Variants in VCF1 observed in about 807,000 individuals in gnomAD.
VCF1 encodes protein VCF1.
chr17:73,227,245 T>G, the VCF1 span: 1 of 1,574,354 alleles, frequency 6.4e-7, no homozygotes, highest in Non-Finnish European at 8.6e-7. Context: ...TCTTCTTCGT[T>G]GCCATTCCTT....
chr17:73,225,908 T>A, the VCF1 span, among the ~76,000 whole-genome samples: 13,956 of 135,612 alleles, frequency 0.1, 958 homozygotes, highest in Non-Finnish European at 0.16. Flanking sequence ...TATTTTTTTT[T>A]TTTTTTTTTC....
the VCF1 span, among the ~76,000 whole-genome samples, chr17:73,216,026 CAA>C: frequency 6.6e-6 from 1 of 152,100 alleles, no homozygotes; most frequent in Non-Finnish European, 1.5e-5. Context: ...GCTAGATTAT[CAA>C]GAGCCATGAG....
chr17:73,227,586 A>G, the VCF1 span: 1 of 987,236 alleles, frequency 1.0e-6, no homozygotes, highest in Non-Finnish European at 1.2e-6. Context: ...CTCTAACCTA[A>G]TTAAGGTTTT....
chr17:73,232,111 C>T, the VCF1 span: 2 of 1,609,454 alleles, frequency 1.2e-6, no homozygotes, highest in Admixed American at 1.7e-5. Flanking sequence ...TCGCTCATGG[C>T]AGCTGGCGGA....
chr17:73,224,377 A>G, the VCF1 span, among the ~76,000 whole-genome samples: 2 of 151,522 alleles, frequency 1.3e-5, no homozygotes, highest in Admixed American at 6.6e-5. Context: ...CCTGGGAGGT[A>G]GAGGTTGCAG....
At chr17:73,221,902 C>T in the VCF1 span, among the ~76,000 whole-genome samples, 1 of 151,902 alleles carries the variant, frequency 6.6e-6, no homozygotes, top group Non-Finnish European at 1.5e-5. Flanking sequence ...GGCGTGGTGG[C>T]GGTCCCCTGT....
At chr17:73,211,495 G>A in the VCF1 span, among the ~76,000 whole-genome samples, 2 of 151,690 alleles carry the variant, frequency 1.3e-5, no homozygotes, top group African/African-American at 4.8e-5. Context: ...TTGAACCTGG[G>A]GGGTGGAGGT....
the VCF1 span, chr17:73,208,187 A>G: frequency 1.3e-6 from 2 of 1,567,416 alleles, no homozygotes; most frequent in Non-Finnish European, 1.7e-6. Context: ...TCCTCTGACT[A>G]GAGCCATCGT....
the VCF1 span, among the ~76,000 whole-genome samples, chr17:73,210,495 T>A: frequency 0.071 from 9,947 of 140,436 alleles, 408 homozygotes; most frequent in Non-Finnish European, 0.089. Context: ...GTTCATGTTT[T>A]AAAAAAAAAA....
chr17:73,224,272 A>C, the VCF1 span, among the ~76,000 whole-genome samples: 1 of 151,080 alleles, frequency 6.6e-6, no homozygotes, highest in African/African-American at 2.4e-5. Context: ...CCAAAAAAAA[A>C]AAAAAAAAAA....
At chr17:73,214,874 C>T in the VCF1 span, among the ~76,000 whole-genome samples, 5 of 152,336 alleles carry the variant, frequency 3.3e-5, no homozygotes, top group African/African-American at 7.2e-5. Context: ...AGGAATCCCA[C>T]TCTTATGATC....
chr17:73,223,026 T>C, the VCF1 span, among the ~76,000 whole-genome samples: 2 of 151,288 alleles, frequency 1.3e-5, no homozygotes, highest in African/African-American at 2.4e-5. Context: ...TAATAATACC[T>C]ACTAAAACAG....
chr17:73,232,232 C>T, the VCF1 span: 2 of 1,611,688 alleles, frequency 1.2e-6, no homozygotes, highest in Non-Finnish European at 1.7e-6. Context: ...CTCGGGTGGA[C>T]GCAGCCGGTG....
the VCF1 span, chr17:73,209,402 C>G: frequency 2.4e-6 from 3 of 1,232,812 alleles, no homozygotes; most frequent in South Asian, 4.6e-5. Context: ...CCTGTTATTT[C>G]AAATATAGAC....
At chr17:73,208,568 T>C in the VCF1 span, 4 of 1,276,812 alleles carry the variant, frequency 3.1e-6, no homozygotes, top group African/African-American at 5.8e-5. Context: ...TGATGGAATG[T>C]GGCCCCCTAG....
chr17:73,209,324 A>G, the VCF1 span: 1 of 642,876 alleles, frequency 1.6e-6, no homozygotes, highest in Middle Eastern at 4.3e-4. Context: ...TCCTATAAAA[A>G]ATTGCTTCAA....
chr17:73,215,683 T>G, the VCF1 span, among the ~76,000 whole-genome samples: 1 of 152,234 alleles, frequency 6.6e-6, no homozygotes, highest in South Asian at 2.1e-4. Flanking sequence ...GAAATGTTTG[T>G]GTGCTTACTA....
the VCF1 span, chr17:73,209,734 C>T: frequency 2.6e-6 from 4 of 1,543,576 alleles, no homozygotes; most frequent in Admixed American, 5.9e-5. Flanking sequence ...GCTGCTGCTG[C>T]TGCTGCTGCT....
At chr17:73,227,339 T>C in the VCF1 span, 1 of 1,201,626 alleles carries the variant, frequency 8.3e-7, no homozygotes, top group Non-Finnish European at 1.1e-6. Flanking sequence ...TTGCAAACCA[T>C]AACAACATAT....
Sources: allele counts gnomAD v4.1 joint callset (sites outside exome capture counted in the v4.1 genomes callset), GRCh38; gene constraint gnomAD v4.1.1; transcripts MANE v1.5; gene names NCBI Gene and HGNC (gene_info 2026-07-23, HGNC 2026-07-21).